ITPR1: variants seen among roughly 807,000 people sequenced by gnomAD.
The protein encoded by ITPR1 is inositol 1,4,5-trisphosphate receptor type 1, also known as inositol 1,4,5-trisphosphate-gated calcium channel ITPR1.
A neutral mutation model predicts 318.4 loss-of-function variants in ITPR1; 96 were observed. The observed-to-expected ratio is 0.30, with a 90% confidence interval of 0.26 to 0.36. The LOEUF (loss-of-function observed/expected upper bound fraction) is 0.36, where lower values mean the gene tolerates loss of function less well. ITPR1 is among the 10% of genes least tolerant of loss of function. The probability of loss-of-function intolerance (pLI) is 1.00; values close to 1 mark genes in which losing one functional copy is unlikely to be tolerated. For synonymous variants in ITPR1, 1,312 were observed against 1,289.9 expected, an observed-to-expected ratio of 1.02 and a Z score of -0.37; for missense variants, 2,440 against 3,460.2, an observed-to-expected ratio of 0.71 and a Z score of 7.40.
intron 39 of ITPR1, among the ~76,000 whole-genome samples, chr3:4,712,658 C>T (rs1250101705): frequency 6.6e-6 from 1 of 152,158 alleles, no homozygotes; most frequent in East Asian, 1.9e-4. Context: ...TAGGAAGAAG[C>T]CTTGATAATT....
At chr3:4,561,441 G>A (rs150304259) in intron 4 of ITPR1, among the ~76,000 whole-genome samples, 148 of 152,318 alleles carry the variant, frequency 9.7e-4, no homozygotes, top group Admixed American at 2.4e-3. Context: ...TCTTTGGCAG[G>A]TGGGGAGTGG....
At chr3:4,749,168 C>T (rs2044320791) in intron 44 of ITPR1, 1 of 152,190 alleles carries the variant, frequency 6.6e-6, no homozygotes, top group South Asian at 2.1e-4. Flanking sequence ...TTTATCTTCT[C>T]AAAGTAAAAA....
chr3:4,753,341 T>G (rs1386690678), intron 44 of ITPR1, among the ~76,000 whole-genome samples: 1 of 152,096 alleles, frequency 6.6e-6, no homozygotes, highest in Non-Finnish European at 1.5e-5. Context: ...GTCCCCTGCT[T>G]GGATATGCGC....
At chr3:4,720,322 C>T (rs936440930) in intron 40 of ITPR1, among the ~76,000 whole-genome samples, 8 of 152,178 alleles carry the variant, frequency 5.3e-5, no homozygotes, top group Non-Finnish European at 1.0e-4. Flanking sequence ...GGGACTTCTA[C>T]CTAAGCAGGG....
At position 4,846,359 on chromosome 3, in the gene ITPR1, T is replaced by C; in HGVS notation, c.*134T>C. On this transcript the variant is annotated 3_prime_UTR_variant, in exon 62 of 62. Coordinates refer to ENST00000649015, the MANE Select transcript of ITPR1 (RefSeq NM_001378452.1). ...TGTAAATACTCAGTTTTATACTGTA[T>C]GTATATGATTGCTACTCTAAAGGTT... The C allele has an allele frequency of 2.1e-6, 1 of 486,214 alleles. No homozygotes were observed. Among genetic ancestry groups the C allele is most frequent in the Non-Finnish European group, 3.6e-6 (1 of 275,068 alleles). The allele number at this position is 486,214 out of a possible 1,614,324, so 30.1% of individuals were successfully genotyped here. A position where few individuals can be genotyped will look rare whatever the true frequency, so the allele number is the denominator to read the frequency against.
chr3:4,608,347 G>A (rs962143996), intron 4 of ITPR1, among the ~76,000 whole-genome samples: 1 of 152,096 alleles, frequency 6.6e-6, no homozygotes, highest in Non-Finnish European at 1.5e-5. Flanking sequence ...TAGAATTCCA[G>A]CCATCAAGTA....
At chr3:4,672,732 A>C (rs1338963615) in intron 20 of ITPR1, among the ~76,000 whole-genome samples, 1 of 152,240 alleles carries the variant, frequency 6.6e-6, no homozygotes, top group East Asian at 1.9e-4. Context: ...AATATGTGTG[A>C]TATCTTGAAC....
intron 51 of ITPR1, among the ~76,000 whole-genome samples, chr3:4,785,052 G>T (rs2047095330): frequency 6.6e-6 from 1 of 152,202 alleles, no homozygotes; most frequent in African/African-American, 2.4e-5. Context: ...ACACATGTTG[G>T]TGTTATATTG....
At chr3:4,562,808 G>A (rs1015129522) in intron 4 of ITPR1, among the ~76,000 whole-genome samples, 15 of 151,772 alleles carry the variant, frequency 9.9e-5, no homozygotes, top group African/African-American at 3.6e-4. Flanking sequence ...TGAGACAAAT[G>A]TAGTCTCTGC....
intron 5 of ITPR1, among the ~76,000 whole-genome samples, chr3:4,629,243 T>G (rs1207487833): frequency 6.6e-6 from 1 of 152,172 alleles, no homozygotes; most frequent in Non-Finnish European, 1.5e-5. Flanking sequence ...CACCTCAGAC[T>G]CTCAACTGTC....
chr3:4,658,026 C>T (rs748225820), intron 12 of ITPR1, 98 bp from the exon 13 acceptor site: 28 of 1,220,510 alleles, frequency 2.3e-5, no homozygotes, highest in African/African-American at 9.3e-5. Context: ...CTGACATTCA[C>T]GATCCTTTCT....
Position 4,818,118 on chromosome 3 carries a change from C to T in ITPR1, c.7904C>T (p.Thr2635Ile), listed in dbSNP as rs2049430956. The change falls in exon 60 of 62, where the codon ACC becomes ATC. Residue 2635 changes from threonine (T) to isoleucine (I), a missense_variant. Transcript: ENST00000649015. ...ERDKFDNKTVTFEEHIKEEHN... is the reference protein window; with the variant it reads ...ERDKFDNKTVIFEEHIKEEHN... ...GACAAGTTTGACAACAAGACTGTCA[C>T]CTTTGAAGAGCACATCAAGGAAGAA... The T allele has an allele frequency of 6.2e-7, 1 of 1,606,668 alleles. No homozygotes were observed. Among genetic ancestry groups the T allele is most frequent in the African/African-American group, 1.3e-5 (1 of 74,822 alleles).
intron 52 of ITPR1, among the ~76,000 whole-genome samples, chr3:4,789,681 G>A (rs150939375): frequency 0.016 from 2,430 of 152,172 alleles, 63 homozygotes; most frequent in African/African-American, 0.053. Context: ...GTGCAGTGGC[G>A]CGATCTCGGG....
rs35795762 is a variant in ITPR1, at chr3:4,697,315, GGT to G, written c.4407+80_4407+81del. On this transcript the variant is annotated intron_variant, in intron 34 of 61. Transcript: ENST00000649015. ...GAGGAGGCAGAGTTGGAGAGTGAGA[GGT>G]GTGTGTGTGTGTGTGTGTGTGTGTG... The G allele has an allele frequency of 0.066, 56,937 of 860,116 alleles. 451 individuals are homozygous for G. The highest frequency in any genetic ancestry group is 0.072 in the Non-Finnish European group (42,272 of 589,186). The allele number at this position is 860,116 out of a possible 1,614,324, so 53.3% of individuals were successfully genotyped here. A position where few individuals can be genotyped will look rare whatever the true frequency, so the allele number is the denominator to read the frequency against.
intron 22 of ITPR1, among the ~76,000 whole-genome samples, chr3:4,674,588 A>T (rs941581271): frequency 1.3e-5 from 2 of 152,222 alleles, no homozygotes; most frequent in African/African-American, 4.8e-5. Context: ...AAAATGATAG[A>T]ACATCACTTT....
At chr3:4,775,058 T>C (rs146029018) in intron 46 of ITPR1, among the ~76,000 whole-genome samples, 184 bp from the exon 47 acceptor site, 54 of 152,348 alleles carry the variant, frequency 3.5e-4, no homozygotes, top group African/African-American at 1.2e-3. Context: ...GCCATTGCCA[T>C]ACACCAAGTC....
intron 5 of ITPR1, among the ~76,000 whole-genome samples, chr3:4,630,130 G>C (rs1055439830): frequency 1.3e-5 from 2 of 152,058 alleles, no homozygotes; most frequent in African/African-American, 4.8e-5. Flanking sequence ...ATAGTAAATT[G>C]AATACTCTTC....
At chr3:4,638,402 TG>T (rs1426141126) in intron 5 of ITPR1, among the ~76,000 whole-genome samples, 2 of 152,192 alleles carry the variant, frequency 1.3e-5, no homozygotes, top group Non-Finnish European at 2.9e-5. Context: ...TATTGTAGTG[TG>T]GTAACAGTGC....
At chr3:4,612,852 A>C (rs1361013597) in intron 4 of ITPR1, among the ~76,000 whole-genome samples, 1 of 152,182 alleles carries the variant, frequency 6.6e-6, no homozygotes, top group Non-Finnish European at 1.5e-5. Flanking sequence ...CTGCTCCTGC[A>C]CTCCAGCCTG....
Sources: gnomAD v4.1 joint callset for allele counts (sites outside exome capture counted in the v4.1 genomes callset) on GRCh38, gnomAD v4.1.1 for gene constraint, MANE v1.5 for transcripts, NCBI Gene and HGNC (gene_info 2026-07-23, HGNC 2026-07-21) for gene names.